Variants in EGFR observed in about 807,000 individuals in gnomAD.
EGFR encodes epidermal growth factor receptor.
Under a neutral mutation model 143.0 loss-of-function variants are expected in EGFR, and 58 were observed. The observed-to-expected ratio is 0.41, with a 90% CI of 0.33 to 0.50. The LOEUF (loss-of-function observed/expected upper bound fraction) is 0.50. EGFR is among the 20% of genes least tolerant of loss of function. The pLI, the probability that EGFR is intolerant of heterozygous loss-of-function variation, is 0.39. For missense variants in EGFR, 1,307 were observed against 1,579.0 expected, an observed-to-expected ratio of 0.83 and a Z score of 2.92; for synonymous variants, 613 against 594.4, an observed-to-expected ratio of 1.03 and a Z score of -0.45.
chr7:55,050,206 G>C (rs1583911628), intron 1 of EGFR, among the ~76,000 whole-genome samples: 1 of 152,040 alleles, frequency 6.6e-6, no homozygotes, highest in African/African-American at 2.4e-5. Context: ...CTTTCATCTT[G>C]CAAAGCTGAA....
At chr7:55,176,975 TAAATAAAAG>T (rs1380831650) in intron 19 of EGFR, among the ~76,000 whole-genome samples, 1 of 150,298 alleles carries the variant, frequency 6.7e-6, no homozygotes. Flanking sequence ...ATATATTAAA[TAAATAAAAG>T]AAATAAAAGA....
chr7:55,022,884 G>A (rs568007378), intron 1 of EGFR, among the ~76,000 whole-genome samples: 2 of 152,236 alleles, frequency 1.3e-5, no homozygotes, highest in South Asian at 2.1e-4. Flanking sequence ...GCACTAACAT[G>A]TTCTGAAATG....
chr7:55,085,498 G>A (rs970603059), intron 1 of EGFR, among the ~76,000 whole-genome samples: 1 of 152,186 alleles, frequency 6.6e-6, no homozygotes, highest in Non-Finnish European at 1.5e-5. Flanking sequence ...TCCATGAGAT[G>A]AGGAGTGTTC....
rs1296532871 is a variant in EGFR, at chr7:55,142,270, T to C, written c.89-16T>C. ...ATTTCTCAGTATTTCATGTGATATC[T>C]GTCTTTTTCTTCCAGTTTGCCAAGG... On this transcript the variant is annotated splice_polypyrimidine_tract_variant and intron_variant, in intron 1 of 27. Transcript: ENST00000275493. 1.2e-6 allele frequency: 2 copies of C among 1,614,054 alleles called. No individual in the cohort carries two copies. Among genetic ancestry groups the C allele is most frequent in the Non-Finnish European group, 1.7e-6 (2 of 1,180,008 alleles).
At chr7:55,179,623 G>A (rs1335979260) in intron 19 of EGFR, 1 of 152,288 alleles carries the variant, frequency 6.6e-6, no homozygotes, top group Non-Finnish European at 1.5e-5. Context: ...GCCAGGGCAG[G>A]GTTTAGGGCA....
intron 20 of EGFR, among the ~76,000 whole-genome samples, chr7:55,185,005 C>A (rs930665101): frequency 6.6e-6 from 1 of 152,174 alleles, no homozygotes; most frequent in Non-Finnish European, 1.5e-5. Flanking sequence ...TTATAAATGT[C>A]CTGTGTTGAC....
chr7:55,047,626 C>T (rs111511218), intron 1 of EGFR, among the ~76,000 whole-genome samples: 6,574 of 152,204 alleles, frequency 0.043, 277 homozygotes, highest in South Asian at 0.13. Flanking sequence ...TGGCGCATGC[C>T]GGTAATCCCA....
At chr7:55,048,970 T>C (rs932626200) in intron 1 of EGFR, among the ~76,000 whole-genome samples, 1 of 152,178 alleles carries the variant, frequency 6.6e-6, no homozygotes, top group African/African-American at 2.4e-5. Context: ...ACAGACTCAG[T>C]GGAGTGGGTG....
intron 19 of EGFR, chr7:55,180,722 C>T (rs1001881265): frequency 6.0e-6 from 1 of 167,678 alleles, no homozygotes; most frequent in Non-Finnish European, 1.3e-5. Flanking sequence ...CACCCATTTC[C>T]CAGAGCACAG....
At chr7:55,092,937 G>A (rs1034219977) in intron 1 of EGFR, among the ~76,000 whole-genome samples, 4 of 152,234 alleles carry the variant, frequency 2.6e-5, no homozygotes, top group Non-Finnish European at 5.9e-5. Flanking sequence ...GCATTTTTAA[G>A]AATAACCAAT....
Position 55,161,636 on chromosome 7 carries a change from G to C in EGFR, c.1631+5G>C, listed in dbSNP as rs777179174. 6.2e-7 allele frequency: 1 copy of C among 1,614,258 alleles called. No homozygotes were observed. The highest frequency in any genetic ancestry group is 8.5e-7 in the Non-Finnish European group (1 of 1,180,040). The stretch of plus-strand genomic sequence containing the variant: ...CAAGTGCAACCTTCTGGAGGGGTAG[G>C]AGGTTATTTCTTTAATCCCCTTGCG... On this transcript the variant is annotated splice_donor_5th_base_variant and intron_variant, in intron 13 of 27. Transcript: ENST00000275493.
At chr7:55,109,662 C>A in intron 1 of EGFR, 1 of 882,682 alleles carries the variant, frequency 1.1e-6, no homozygotes, top group Non-Finnish European at 1.4e-6. Context: ...TCCAAATTTG[C>A]TCTTAAAGGG....
intron 1 of EGFR, among the ~76,000 whole-genome samples, chr7:55,025,592 C>T (rs1447109058): frequency 2.0e-5 from 3 of 152,180 alleles, no homozygotes; most frequent in African/African-American, 7.2e-5. Flanking sequence ...CAGTAGAATA[C>T]GGTGGTCCAG....
intron 27 of EGFR, chr7:55,202,998 G>A: frequency 3.9e-6 from 2 of 507,344 alleles, no homozygotes; most frequent in Non-Finnish European, 6.9e-6. Context: ...CTCTCTGCTG[G>A]CTCTATCTTG....
chr7:55,202,878 G>C (rs555519889), intron 27 of EGFR: 1 of 658,852 alleles, frequency 1.5e-6, no homozygotes, highest in Non-Finnish European at 2.8e-6. Flanking sequence ...TCTAGCTTAT[G>C]AAGCAAATCA....
At chr7:55,196,054 G>T (rs1317035111) in intron 22 of EGFR, among the ~76,000 whole-genome samples, 1 of 151,880 alleles carries the variant, frequency 6.6e-6, no homozygotes, top group African/African-American at 2.4e-5. Context: ...TCAAATGGTA[G>T]TTCTGTTTTT....
intron 13 of EGFR, among the ~76,000 whole-genome samples, chr7:55,163,135 G>T (rs1230373729): frequency 6.6e-6 from 1 of 152,230 alleles, no homozygotes; most frequent in African/African-American, 2.4e-5. Flanking sequence ...TTCGCTGCTG[G>T]AGGGTAGAAC....
intron 1 of EGFR, among the ~76,000 whole-genome samples, chr7:55,043,350 G>GT (rs1788006077): frequency 6.6e-6 from 1 of 152,034 alleles, no homozygotes. Context: ...TGGTAAACAA[G>GT]TTTTTTTGTT....
At chr7:55,023,812 T>C (rs959817063) in intron 1 of EGFR, among the ~76,000 whole-genome samples, 1 of 152,222 alleles carries the variant, frequency 6.6e-6, no homozygotes, top group Non-Finnish European at 1.5e-5. Flanking sequence ...GAATAGAGTG[T>C]AAATCTTAAC....
Sources: allele counts gnomAD v4.1 joint callset (sites outside exome capture counted in the v4.1 genomes callset), GRCh38; gene constraint gnomAD v4.1.1; transcripts MANE v1.5; gene names NCBI Gene and HGNC (gene_info 2026-07-23, HGNC 2026-07-21).